Variants in NEK11 observed in about 807,000 individuals in gnomAD.
NEK11 encodes serine/threonine-protein kinase Nek11.
In NEK11, 72 loss-of-function variants were observed where a neutral mutation model predicts 80.7. That is an observed-to-expected ratio of 0.89 (90% CI 0.74 to 1.08). NEK11 has a LOEUF of 1.08. Among genes scored for constraint, NEK11 ranks in the 50% least tolerant of loss-of-function variants. The pLI, the probability that NEK11 is intolerant of heterozygous loss-of-function variation, is 0.00. For missense variants in NEK11, 764 were observed against 763.6 expected, an observed-to-expected ratio of 1.00 and a Z score of -0.01; for synonymous variants, 251 against 260.7, an observed-to-expected ratio of 0.96 and a Z score of 0.36.
intron 17 of NEK11, among the ~76,000 whole-genome samples, chr3:131,289,824 T>C (rs752375571): frequency 4.6e-5 from 7 of 152,170 alleles, no homozygotes; most frequent in Non-Finnish European, 1.0e-4. Flanking sequence ...CAGAGGTTCT[T>C]GATAAGACAA....
intron 14 of NEK11, among the ~76,000 whole-genome samples, chr3:131,182,887 T>C (rs1347835624): frequency 6.6e-6 from 1 of 152,232 alleles, no homozygotes; most frequent in South Asian, 2.1e-4. Flanking sequence ...CCTGTTTTCT[T>C]GGCTTCAAAT....
chr3:131,090,199 T>G (rs937510797), intron 4 of NEK11, among the ~76,000 whole-genome samples: 5 of 152,232 alleles, frequency 3.3e-5, no homozygotes, highest in African/African-American at 1.2e-4. Context: ...GAATTTGGGT[T>G]GTTCTTCATT....
intron 17 of NEK11, among the ~76,000 whole-genome samples, chr3:131,274,720 C>A (rs945778409): frequency 6.3e-4 from 81 of 127,854 alleles, no homozygotes; most frequent in Middle Eastern, 0.013. Flanking sequence ...GTGGCGCAAT[C>A]TCGGCTCACT....
intron 14 of NEK11, among the ~76,000 whole-genome samples, chr3:131,210,155 A>C (rs2094566712): frequency 6.6e-6 from 1 of 152,142 alleles, no homozygotes; most frequent in South Asian, 2.1e-4. Flanking sequence ...ACTGCTTTAA[A>C]TGTGTCCCAG....
intron 17 of NEK11, among the ~76,000 whole-genome samples, chr3:131,316,698 T>C (rs981366604): frequency 6.6e-6 from 1 of 152,162 alleles, no homozygotes; most frequent in Non-Finnish European, 1.5e-5. Context: ...TGTCCTTAGA[T>C]GGAAACTGAG....
chr3:131,034,427 T>C (rs1223473949), intron 3 of NEK11, among the ~76,000 whole-genome samples: 1 of 151,604 alleles, frequency 6.6e-6, no homozygotes, highest in East Asian at 1.9e-4. Flanking sequence ...TGAGTCGGAG[T>C]CTCGATTTGT....
At chr3:131,227,670 T>G (rs2095238017) in intron 14 of NEK11, among the ~76,000 whole-genome samples, 1 of 152,140 alleles carries the variant, frequency 6.6e-6, no homozygotes, top group South Asian at 2.1e-4. Context: ...AAATGCCCAT[T>G]GTTTTGCTGC....
intron 5 of NEK11, among the ~76,000 whole-genome samples, chr3:131,112,438 G>A (rs1186494098): frequency 6.6e-6 from 1 of 152,066 alleles, no homozygotes; most frequent in African/African-American, 2.4e-5. Context: ...CCTGGAAGGG[G>A]CACAAAGAAA....
At chr3:131,092,888 A>G (rs879841110) in intron 4 of NEK11, 2 of 152,190 alleles carry the variant, frequency 1.3e-5, no homozygotes, top group South Asian at 2.1e-4. Context: ...CCTCCTCTGT[A>G]TCATTCCAAT....
intron 15 of NEK11, among the ~76,000 whole-genome samples, chr3:131,235,331 G>C (rs1049538928): frequency 6.6e-6 from 1 of 152,146 alleles, no homozygotes; most frequent in African/African-American, 2.4e-5. Context: ...GCTATCATCA[G>C]AGCTGAGGTG....
chr3:131,211,243 G>C (rs961656937), intron 14 of NEK11, among the ~76,000 whole-genome samples: 95 of 152,224 alleles, frequency 6.2e-4, no homozygotes, highest in African/African-American at 2.2e-3. Flanking sequence ...GCTTAGTTTG[G>C]CTGGATATGA....
intron 3 of NEK11, among the ~76,000 whole-genome samples, chr3:131,046,332 C>G (rs1201735553): frequency 1.3e-5 from 2 of 152,046 alleles, no homozygotes; most frequent in African/African-American, 4.8e-5. Flanking sequence ...ATTTGTTTGT[C>G]TGAAAAAGAC....
chr3:131,329,425 T>G (rs1416958487), intron 17 of NEK11: 1 of 151,514 alleles, frequency 6.6e-6, no homozygotes, highest in Non-Finnish European at 1.5e-5. Context: ...ATTGACTAAT[T>G]ACTATGCACC....
intron 14 of NEK11, among the ~76,000 whole-genome samples, chr3:131,223,457 A>C (rs1460538641): frequency 6.6e-6 from 1 of 152,218 alleles, no homozygotes; most frequent in Non-Finnish European, 1.5e-5. Flanking sequence ...GGCTGTCTGT[A>C]CACAATGAGC....
At chr3:131,187,890 A>G (rs1327747339) in intron 14 of NEK11, among the ~76,000 whole-genome samples, 7 of 152,192 alleles carry the variant, frequency 4.6e-5, no homozygotes, top group Admixed American at 4.6e-4. Context: ...TTTATTAAAA[A>G]CCAGTTGATC....
chr3:131,208,819 C>T (rs1580210007), intron 14 of NEK11, among the ~76,000 whole-genome samples: 2 of 152,246 alleles, frequency 1.3e-5, no homozygotes, highest in East Asian at 3.9e-4. Context: ...GATTTTCTAT[C>T]CTGAGACTTT....
intron 16 of NEK11, among the ~76,000 whole-genome samples, chr3:131,270,387 C>T (rs1399904640): frequency 6.6e-6 from 1 of 152,148 alleles, no homozygotes; most frequent in Non-Finnish European, 1.5e-5. Context: ...CCAAGCCCTA[C>T]CCAAACCTAC....
chr3:131,131,563 C>A (rs2084484906), intron 5 of NEK11, among the ~76,000 whole-genome samples: 1 of 151,924 alleles, frequency 6.6e-6, no homozygotes, highest in South Asian at 2.1e-4. Flanking sequence ...TGTAGTGACG[C>A]CCTCTCTTTC....
chr3:131,348,055 T>A (rs1455230073), intron 17 of NEK11, among the ~76,000 whole-genome samples: 2 of 152,214 alleles, frequency 1.3e-5, no homozygotes, highest in African/African-American at 4.8e-5. Context: ...ATAACATTTT[T>A]ATCATTTAAT....
Sources: gnomAD v4.1 joint callset for allele counts (sites outside exome capture counted in the v4.1 genomes callset) on GRCh38, gnomAD v4.1.1 for gene constraint, MANE v1.5 for transcripts, NCBI Gene and HGNC (gene_info 2026-07-23, HGNC 2026-07-21) for gene names.